The following DIXDC1 variants were observed in gnomAD, a reference collection of about 807,000 sequenced individuals.
DIXDC1 encodes the protein DIX domain containing 1.
In DIXDC1, 64 loss-of-function variants were observed where a neutral mutation model predicts 103.1. The ratio of observed to expected loss-of-function variants is 0.62; its 90% CI spans 0.51 to 0.76. The LOEUF is 0.76. Among genes scored for constraint, DIXDC1 ranks in the 30% least tolerant of loss-of-function variants. The pLI is 0.00. For missense variants in DIXDC1, 759 were observed against 834.2 expected, an observed-to-expected ratio of 0.91 and a Z score of 1.11; for synonymous variants, 266 against 298.5, an observed-to-expected ratio of 0.89 and a Z score of 1.12.
chr11:111,946,968 G>C (rs1555169444), intron 1 of DIXDC1: 5 of 165,568 alleles, frequency 3.0e-5, no homozygotes, highest in Non-Finnish European at 2.7e-5. Flanking sequence ...CCATTTTGCT[G>C]AGCCTGTTGT....
Position 111,988,948 on chromosome 11 carries a change from A to G in DIXDC1, c.1063-57A>G, listed in dbSNP as rs587694157. The stretch of plus-strand genomic sequence containing the variant: ...GTCCTCTTGCCGACAGAATGAGGTA[A>G]TGCATTCTGAAGCAACCCAGATGTC... On this transcript the variant is annotated intron_variant, in intron 9 of 19. Transcript: ENST00000440460. 8 of 1,453,392 alleles carry G rather than the reference A, an allele frequency of 5.5e-6. No individual in the cohort carries two copies. The South Asian group carries it at 8.6e-5, about 16-fold the overall frequency. 90.0% of individuals were successfully genotyped at this position (1,453,392 alleles called of 1,614,324 possible). A position where few individuals can be genotyped will look rare whatever the true frequency, so the allele number is the denominator to read the frequency against.
At chr11:112,001,626 T>G (rs1440755171) in intron 17 of DIXDC1, among the ~76,000 whole-genome samples, 1 of 152,076 alleles carries the variant, frequency 6.6e-6, no homozygotes, top group Admixed American at 6.6e-5. Flanking sequence ...GAAATCATAG[T>G]GCAGTCAACT....
At chr11:111,931,597 C>T (rs929810455) in intron 2 of DIXDC1, among the ~76,000 whole-genome samples, 16 of 151,558 alleles carry the variant, frequency 1.1e-4, no homozygotes, top group African/African-American at 3.9e-4. Flanking sequence ...CAGCTGAGAT[C>T]GTGCCAATGC....
Position 111,974,897 on chromosome 11 carries a change from A to G in DIXDC1, c.570A>G (p.Glu190=), listed in dbSNP as rs1555172433. 17 of 1,613,534 alleles carry G rather than the reference A, an allele frequency of 1.1e-5. No individual in the cohort carries two copies. In the South Asian group the frequency reaches 1.1e-4, roughly 10 times the overall value. ...TTAGGAACAGCAGCATGGATGAGGA[A>G]ATTGAGAATCCATACTGGAGTGTGC... ...YRQRNSSMDE[E]IENPYWSVRA... Residue 190 remains glutamate (E), a synonymous_variant, in exon 5 of 20, where the codon GAA becomes GAG. Transcript: ENST00000440460.
intron 17 of DIXDC1, among the ~76,000 whole-genome samples, chr11:112,009,893 C>G (rs1254500363): frequency 6.6e-6 from 1 of 152,152 alleles, no homozygotes; most frequent in Non-Finnish European, 1.5e-5. Context: ...CTTTTGAAAA[C>G]TGGCACAAGA....
chr11:112,006,682 C>G (rs1205202762), intron 17 of DIXDC1, among the ~76,000 whole-genome samples: 2 of 152,200 alleles, frequency 1.3e-5, no homozygotes, highest in Non-Finnish European at 2.9e-5. Context: ...GAGTGGACCT[C>G]CAGCAAACTC....
intron 1 of DIXDC1, among the ~76,000 whole-genome samples, chr11:111,959,318 G>A (rs1300811684): frequency 6.6e-6 from 1 of 152,202 alleles, no homozygotes; most frequent in Non-Finnish European, 1.5e-5. Context: ...CCTCTTTTGG[G>A]CTCTGTGGTT....
chr11:111,934,310 A>T (rs1966128357), upstream of DIXDC1, among the ~76,000 whole-genome samples: 1 of 152,236 alleles, frequency 6.6e-6, no homozygotes, highest in South Asian at 2.1e-4. Flanking sequence ...ATATTTGGGT[A>T]GCTTTTAGTT....
intron 9 of DIXDC1, among the ~76,000 whole-genome samples, chr11:111,987,916 C>T (rs1478444332): frequency 5.9e-5 from 9 of 152,060 alleles, no homozygotes; most frequent in African/African-American, 1.2e-4. Flanking sequence ...CCTTGGCCTC[C>T]CAAAGTGCTG....
At chr11:111,999,365 T>C in intron 17 of DIXDC1, among the ~76,000 whole-genome samples, 1 of 152,214 alleles carries the variant, frequency 6.6e-6, no homozygotes, top group East Asian at 1.9e-4. Context: ...CAACCAATGG[T>C]GCTTGGGACA....
At chr11:111,980,654 T>C in intron 5 of DIXDC1, 83 bp from the exon 6 acceptor site, 1 of 1,113,052 alleles carries the variant, frequency 9.0e-7, no homozygotes, top group Admixed American at 2.1e-5. Context: ...AACATGTCCC[T>C]GTTCTCAGGA....
chr11:111,949,583 A>G (rs1259876022), intron 1 of DIXDC1, among the ~76,000 whole-genome samples: 8 of 152,134 alleles, frequency 5.3e-5, no homozygotes, highest in African/African-American at 1.7e-4. Flanking sequence ...TGTTCTTTCT[A>G]TTCCAAGATG....
chr11:111,938,195 C>CT (rs1201478210), intron 1 of DIXDC1, among the ~76,000 whole-genome samples: 2 of 152,196 alleles, frequency 1.3e-5, no homozygotes. Flanking sequence ...GGGCCTCACT[C>CT]TGACAGGCAA....
At chr11:111,962,703 G>GAT (rs1223569936) in intron 1 of DIXDC1, among the ~76,000 whole-genome samples, 1 of 152,190 alleles carries the variant, frequency 6.6e-6, no homozygotes, top group Non-Finnish European at 1.5e-5. Context: ...TTTTAAGCAG[G>GAT]AATGTGTGGA....
At chr11:111,964,763 TA>T (rs2137509066) in intron 2 of DIXDC1, 85 bp downstream of exon 2, 5 of 1,440,140 alleles carry the variant, frequency 3.5e-6, no homozygotes, top group Middle Eastern at 4.3e-4. Context: ...TAGAGCAGGT[TA>T]TTTTTTCTTT....
intron 3 of DIXDC1, among the ~76,000 whole-genome samples, chr11:111,971,097 A>G (rs782326858): frequency 2.6e-5 from 4 of 152,244 alleles, no homozygotes; most frequent in Non-Finnish European, 5.9e-5. Context: ...CCTCAAAGCA[A>G]TTGCAACATA....
intron 10 of DIXDC1, among the ~76,000 whole-genome samples, chr11:111,990,582 G>T (rs1860676813): frequency 6.6e-6 from 1 of 152,082 alleles, no homozygotes; most frequent in Non-Finnish European, 1.5e-5. Context: ...TGGCTGCATA[G>T]TATTCCATTG....
At chr11:111,950,011 C>A (rs1159840027) in intron 1 of DIXDC1, among the ~76,000 whole-genome samples, 1 of 152,038 alleles carries the variant, frequency 6.6e-6, no homozygotes, top group African/African-American at 2.4e-5. Flanking sequence ...CAATGCCTGG[C>A]AGATAGTAGG....
intron 6 of DIXDC1, 37 bp downstream of exon 6, chr11:111,980,886 A>G: frequency 6.4e-7 from 1 of 1,567,024 alleles, no homozygotes; most frequent in Non-Finnish European, 8.8e-7. Flanking sequence ...GGTTCAAGGA[A>G]CAGTCAGCTT....
Sources: allele counts gnomAD v4.1 joint callset (sites outside exome capture counted in the v4.1 genomes callset), GRCh38; gene constraint gnomAD v4.1.1; transcripts MANE v1.5; gene names NCBI Gene and HGNC (gene_info 2026-07-23, HGNC 2026-07-21).